Variants in PLCB4 observed in about 807,000 individuals in gnomAD.
The protein encoded by PLCB4 is phospholipase C beta 4, also known as 1-phosphatidylinositol 4,5-bisphosphate phosphodiesterase beta-4.
In PLCB4, 77 loss-of-function variants were observed where a neutral mutation model predicts 178.8. That is an observed-to-expected ratio of 0.43 (90% confidence interval 0.36 to 0.52). The LOEUF is 0.52. Among genes scored for constraint, PLCB4 ranks in the 20% least tolerant of loss-of-function variants. The pLI is 0.00. For missense variants in PLCB4, 1,024 were observed against 1,453.4 expected (o/e 0.70, Z 4.80); for synonymous variants, 496 against 490.8 (o/e 1.01, Z -0.14).
At chr20:9,369,883 G>A (rs2036097105) in intron 9 of PLCB4, among the ~76,000 whole-genome samples, 1 of 152,182 alleles carries the variant, frequency 6.6e-6, no homozygotes, top group East Asian at 1.9e-4. Flanking sequence ...TCACAGGGGA[G>A]GCATTCCAAA....
chr20:9,266,797 T>C (rs770771923), intron 3 of PLCB4, among the ~76,000 whole-genome samples: 1 of 152,286 alleles, frequency 6.6e-6, no homozygotes, highest in East Asian at 1.9e-4. Flanking sequence ...CATTGCTACA[T>C]TTCTATATTT....
intron 3 of PLCB4, among the ~76,000 whole-genome samples, chr20:9,237,253 C>T (rs1357336310): frequency 3.3e-5 from 5 of 152,108 alleles, no homozygotes; most frequent in East Asian, 3.9e-4. Flanking sequence ...TGTGTGCATA[C>T]GTATGTTTAA....
intron 2 of PLCB4, among the ~76,000 whole-genome samples, chr20:9,137,655 CAT>C (rs142178581): frequency 0.027 from 4,107 of 152,054 alleles, 181 homozygotes; most frequent in African/African-American, 0.093. Context: ...AGATTTCTCT[CAT>C]GTGTGCTAAT....
intron 8 of PLCB4, among the ~76,000 whole-genome samples, chr20:9,364,291 A>G (rs376448381): frequency 1.3e-5 from 2 of 152,196 alleles, no homozygotes; most frequent in East Asian, 1.9e-4. Context: ...TACCTGAGTG[A>G]CACAAATATC....
At chr20:9,116,801 A>ATGG (rs2091795317) in intron 2 of PLCB4, among the ~76,000 whole-genome samples, 1 of 152,174 alleles carries the variant, frequency 6.6e-6, no homozygotes, top group African/African-American at 2.4e-5. Flanking sequence ...GGACATCTTT[A>ATGG]ACATATCGAG....
intron 2 of PLCB4, among the ~76,000 whole-genome samples, chr20:9,101,029 T>C (rs1176424021): frequency 6.6e-6 from 1 of 152,110 alleles, no homozygotes; most frequent in Non-Finnish European, 1.5e-5. Context: ...TCATATTTCA[T>C]GATAATTGGT....
intron 25 of PLCB4, among the ~76,000 whole-genome samples, chr20:9,419,288 G>A (rs1007000241): frequency 2.6e-5 from 4 of 152,056 alleles, no homozygotes; most frequent in Non-Finnish European, 5.9e-5. Context: ...AGTGGTACCC[G>A]TGACTCTCTC....
At chr20:9,414,244 G>C (rs2040082471) in intron 25 of PLCB4, among the ~76,000 whole-genome samples, 1 of 152,218 alleles carries the variant, frequency 6.6e-6, no homozygotes, top group South Asian at 2.1e-4. Context: ...CAGCGATGCT[G>C]TTGACTCTGT....
chr20:9,193,314 T>C (rs1198913651), intron 2 of PLCB4, among the ~76,000 whole-genome samples: 1 of 152,210 alleles, frequency 6.6e-6, no homozygotes, highest in African/African-American at 2.4e-5. Context: ...TACAACTATG[T>C]GCAACTAGGG....
chr20:9,305,446 C>G (rs2094754859), intron 3 of PLCB4, among the ~76,000 whole-genome samples: 1 of 152,046 alleles, frequency 6.6e-6, no homozygotes, highest in Admixed American at 6.5e-5. Flanking sequence ...TTGTCTCATA[C>G]TTTGTTCCTC....
At chr20:9,423,638 C>T in intron 27 of PLCB4, 110 bp from the exon 28 acceptor site, 1 of 806,924 alleles carries the variant, frequency 1.2e-6, no homozygotes, top group Admixed American at 2.1e-5. Flanking sequence ...GACTTACTTT[C>T]AACATCAGGG....
intron 2 of PLCB4, among the ~76,000 whole-genome samples, chr20:9,145,935 G>T (rs1033504622): frequency 8.5e-5 from 13 of 152,104 alleles, no homozygotes; most frequent in African/African-American, 3.1e-4. Flanking sequence ...TGGAAGAACT[G>T]CATGTTTGGG....
intron 2 of PLCB4, among the ~76,000 whole-genome samples, chr20:9,156,706 T>C (rs2092794092): frequency 6.6e-6 from 1 of 152,152 alleles, no homozygotes; most frequent in South Asian, 2.1e-4. Context: ...AGCAATCAGA[T>C]CGTATTATCT....
intron 3 of PLCB4, among the ~76,000 whole-genome samples, chr20:9,217,919 C>A (rs2093751250): frequency 6.6e-6 from 1 of 152,176 alleles, no homozygotes; most frequent in Admixed American, 6.5e-5. Flanking sequence ...TAAATAAATT[C>A]TTCCAGTGCT....
chr20:9,434,427 G>A (rs1028469501), intron 28 of PLCB4, among the ~76,000 whole-genome samples: 1 of 152,110 alleles, frequency 6.6e-6, no homozygotes, highest in Admixed American at 6.5e-5. Flanking sequence ...CCAGCCTGGA[G>A]TACATTGGCA....
At chr20:9,307,355 C>T (rs1460287320) in intron 3 of PLCB4, among the ~76,000 whole-genome samples, 1 of 152,120 alleles carries the variant, frequency 6.6e-6, no homozygotes, top group African/African-American at 2.4e-5. Context: ...CAACTTATAC[C>T]CTGTGGGCTC....
chr20:9,076,123 G>C (rs562631920), intron 1 of PLCB4, among the ~76,000 whole-genome samples: 1 of 152,142 alleles, frequency 6.6e-6, no homozygotes, highest in African/African-American at 2.4e-5. Flanking sequence ...ACACAAAGTT[G>C]AGGGGGGAAG....
chr20:9,218,959 C>T (rs2093765559), intron 3 of PLCB4, among the ~76,000 whole-genome samples: 1 of 152,094 alleles, frequency 6.6e-6, no homozygotes, highest in African/African-American at 2.4e-5. Flanking sequence ...TATCCACTTT[C>T]TCTGTTTAAG....
At chr20:9,267,090 T>C (rs1267039109) in intron 3 of PLCB4, among the ~76,000 whole-genome samples, 1 of 152,156 alleles carries the variant, frequency 6.6e-6, no homozygotes, top group Non-Finnish European at 1.5e-5. Context: ...CTTTTAAAAA[T>C]AACTCTTTTA....
Sources: gnomAD v4.1 joint callset for allele counts (sites outside exome capture counted in the v4.1 genomes callset) on GRCh38, gnomAD v4.1.1 for gene constraint, MANE v1.5 for transcripts, NCBI Gene and HGNC (gene_info 2026-07-23, HGNC 2026-07-21) for gene names.